FRAS1: variants seen among roughly 807,000 people sequenced by gnomAD.
FRAS1 encodes the protein Fraser extracellular matrix complex subunit 1.
Under a neutral mutation model 435.2 loss-of-function variants are expected in FRAS1, and 290 were observed. That is an observed-to-expected ratio of 0.67 (90% CI 0.61 to 0.73). FRAS1 has a LOEUF of 0.73. FRAS1 is among the 30% of genes least tolerant of loss of function. The pLI is 0.00. For synonymous variants in FRAS1, 1,800 were observed against 1,851.0 expected (o/e 0.97, Z 0.71); for missense variants, 4,860 against 5,001.5 (o/e 0.97, Z 0.85).
intron 2 of FRAS1, among the ~76,000 whole-genome samples, chr4:78,224,025 T>G (rs1274990608): frequency 5.9e-5 from 9 of 152,192 alleles, no homozygotes; most frequent in Admixed American, 5.9e-4. Flanking sequence ...TTTTATTTCC[T>G]TAGAAACTTA....
At chr4:78,103,548 T>C (rs975751966) in intron 2 of FRAS1, among the ~76,000 whole-genome samples, 2 of 152,186 alleles carry the variant, frequency 1.3e-5, no homozygotes, top group African/African-American at 2.4e-5. Flanking sequence ...AATGCTTGTG[T>C]CCCTCCAGAA....
At chr4:78,473,178 T>C (rs1369601258) in intron 52 of FRAS1, among the ~76,000 whole-genome samples, 1 of 152,182 alleles carries the variant, frequency 6.6e-6, no homozygotes, top group Non-Finnish European at 1.5e-5. Context: ...GACCCTGGGA[T>C]TCTCATTTTA....
intron 34 of FRAS1, among the ~76,000 whole-genome samples, chr4:78,422,333 T>C (rs370634344): frequency 6.6e-6 from 1 of 152,036 alleles, no homozygotes; most frequent in Non-Finnish European, 1.5e-5. Context: ...TATAGAGAGA[T>C]AATTTGATAA....
In FRAS1 at chr4:78,491,627, A is replaced by C. The variant is rs533782706; in HGVS notation, c.8958+2547A>C. On this transcript the variant is annotated intron_variant, in intron 59 of 73. Coordinates refer to ENST00000512123, the MANE Select transcript of FRAS1 (RefSeq NM_025074.7). ...GCCCTTCATGATAAAAACTCTCAATAAACTAGGTATTGATGGAACATATCT... is the reference window on the plus strand; with the variant it reads ...GCCCTTCATGATAAAAACTCTCAATCAACTAGGTATTGATGGAACATATCT... 2.6e-5 allele frequency among the ~76,000 whole-genome samples: 4 copies of C among 152,310 alleles called. No homozygotes were observed. In the East Asian group the frequency reaches 7.7e-4, roughly 29 times the overall value.
intron 20 of FRAS1, among the ~76,000 whole-genome samples, chr4:78,343,231 G>T (rs376520860): frequency 1.3e-5 from 2 of 152,318 alleles, no homozygotes; most frequent in Admixed American, 1.3e-4. Flanking sequence ...ATCATTTCCC[G>T]AGCACTGAAT....
At chr4:78,455,426 G>GGC (rs1553962068) in intron 47 of FRAS1, among the ~76,000 whole-genome samples, 99 of 150,054 alleles carry the variant, frequency 6.6e-4, no homozygotes, top group Middle Eastern at 3.4e-3. Flanking sequence ...GAGGAGGGAG[G>GGC]GGGTTCTGTT....
intron 2 of FRAS1, among the ~76,000 whole-genome samples, chr4:78,171,941 A>G (rs1478830244): frequency 6.6e-6 from 1 of 152,066 alleles, no homozygotes; most frequent in Non-Finnish European, 1.5e-5. Flanking sequence ...AAGCTTCTCT[A>G]TGCTTTTACA....
chr4:78,413,338 C>T (rs1411366373), intron 32 of FRAS1, among the ~76,000 whole-genome samples: 1 of 152,138 alleles, frequency 6.6e-6, no homozygotes, highest in Non-Finnish European at 1.5e-5. Flanking sequence ...TACAGTATTC[C>T]AGATGTTCCA....
intron 4 of FRAS1, among the ~76,000 whole-genome samples, chr4:78,251,718 C>G (rs1725539351): frequency 6.6e-6 from 1 of 152,190 alleles, no homozygotes; most frequent in Admixed American, 6.5e-5. Context: ...TATTATAGAT[C>G]AAGAAACTGA....
At chr4:78,399,443 A>G (rs58220389) in intron 29 of FRAS1, among the ~76,000 whole-genome samples, 21,241 of 152,178 alleles carry the variant, frequency 0.14, 1,870 homozygotes, top group African/African-American at 0.25. Flanking sequence ...CAGACTTGTT[A>G]ATTTTTGAAG....
At chr4:78,068,090 T>C (rs1740144169) in intron 2 of FRAS1, among the ~76,000 whole-genome samples, 2 of 152,146 alleles carry the variant, frequency 1.3e-5, no homozygotes, top group Non-Finnish European at 2.9e-5. Context: ...TAAACAAATA[T>C]TTATTGAATG....
At chr4:78,114,429 C>T (rs148869669) in intron 2 of FRAS1, among the ~76,000 whole-genome samples, 32,993 of 152,030 alleles carry the variant, frequency 0.22, 3,947 homozygotes, top group Admixed American at 0.29. Flanking sequence ...GAAGTATGGC[C>T]ATTTTCATGA....
intron 41 of FRAS1, among the ~76,000 whole-genome samples, chr4:78,445,031 GTTA>G (rs1239816912): frequency 6.6e-6 from 1 of 152,204 alleles, no homozygotes; most frequent in Non-Finnish European, 1.5e-5. Context: ...AAGATACACA[GTTA>G]ACACTACAGA....
At chr4:78,059,527 T>G (rs1578097513) in intron 1 of FRAS1, among the ~76,000 whole-genome samples, 1 of 149,020 alleles carries the variant, frequency 6.7e-6, no homozygotes, top group Non-Finnish European at 1.5e-5. Flanking sequence ...AAAAAAAGCT[T>G]GTAGGGCTTG....
At chr4:78,538,349 G>T (rs1387362448) in intron 72 of FRAS1, among the ~76,000 whole-genome samples, 1 of 152,102 alleles carries the variant, frequency 6.6e-6, no homozygotes, top group Admixed American at 6.5e-5. Context: ...TGTGTAAAGG[G>T]TCCTGAGACC....
At chr4:78,284,304 C>CTA (rs1727474680) in intron 12 of FRAS1, 101 bp from the exon 13 acceptor site, 1 of 730,482 alleles carries the variant, frequency 1.4e-6, no homozygotes, top group African/African-American at 2.4e-5. Context: ...TCTTCATGTT[C>CTA]TATGTAATGC....
intron 6 of FRAS1, among the ~76,000 whole-genome samples, chr4:78,256,025 ACCATGAAAGGAGTTTGCCT>A (rs1211271202): frequency 1.3e-5 from 2 of 152,192 alleles, no homozygotes; most frequent in Non-Finnish European, 2.9e-5. Flanking sequence ...TTGATAGGTA[ACCATGAAAGGAGTTTGCCT>A]CCAGTCAAAA....
intron 20 of FRAS1, among the ~76,000 whole-genome samples, chr4:78,341,501 G>A (rs374340434): frequency 1.2e-4 from 18 of 152,280 alleles, no homozygotes; most frequent in African/African-American, 4.1e-4. Flanking sequence ...TAATGAGAAC[G>A]TTGCTGAGGG....
At chr4:78,070,199 T>G (rs1740265643) in intron 2 of FRAS1, among the ~76,000 whole-genome samples, 1 of 152,124 alleles carries the variant, frequency 6.6e-6, no homozygotes, top group Non-Finnish European at 1.5e-5. Context: ...AAACATACAA[T>G]GTACAGTGTA....
Sources: gnomAD v4.1 joint callset for allele counts (sites outside exome capture counted in the v4.1 genomes callset) on GRCh38, gnomAD v4.1.1 for gene constraint, MANE v1.5 for transcripts, NCBI Gene and HGNC (gene_info 2026-07-23, HGNC 2026-07-21) for gene names.